The following AOPEP variants were observed in gnomAD, a reference collection of about 807,000 sequenced individuals.
AOPEP encodes aminopeptidase O.
AOPEP carries 77 observed loss-of-function variants against 98.1 expected under a neutral mutation model. The observed-to-expected ratio is 0.78, with a 90% CI of 0.65 to 0.95. AOPEP has a LOEUF of 0.95. AOPEP is among the 40% of genes least tolerant of loss of function. The pLI is 0.00. For missense variants in AOPEP, 1,024 were observed against 1,024.7 expected, an observed-to-expected ratio of 1.00 and a Z score of 0.01; for synonymous variants, 346 against 365.3, an observed-to-expected ratio of 0.95 and a Z score of 0.60.
chr9:95,079,046 T>G (rs981243223), intron 14 of AOPEP, among the ~76,000 whole-genome samples: 6 of 152,170 alleles, frequency 3.9e-5, no homozygotes, highest in African/African-American at 1.4e-4. Flanking sequence ...CCTCCTTCCC[T>G]TTTGCTCTGA....
chr9:95,095,798 A>G, the AOPEP span, among the ~76,000 whole-genome samples: 10 of 152,006 alleles, frequency 6.6e-5, no homozygotes, highest in Admixed American at 6.6e-4. Context: ...TCCTCCCTCC[A>G]AAGGACTGGA....
chr9:94,839,436 G>C (rs993259762), intron 5 of AOPEP, among the ~76,000 whole-genome samples: 1 of 152,040 alleles, frequency 6.6e-6, no homozygotes, highest in Non-Finnish European at 1.5e-5. Context: ...TGTTGGCCAG[G>C]ATGGTCTTGA....
At chr9:94,817,194 G>A (rs1851890994) in intron 5 of AOPEP, among the ~76,000 whole-genome samples, 2 of 151,968 alleles carry the variant, frequency 1.3e-5, no homozygotes, top group Admixed American at 1.3e-4. Context: ...TTGTAGAGAT[G>A]GGGTTTCGCC....
chr9:95,029,197 G>A (rs2064094137), intron 13 of AOPEP, among the ~76,000 whole-genome samples: 1 of 152,198 alleles, frequency 6.6e-6, no homozygotes, highest in Non-Finnish European at 1.5e-5. Context: ...GAAACTGGGG[G>A]TGCCAGAAGA....
chr9:94,816,120 C>T (rs1851649223), intron 5 of AOPEP, among the ~76,000 whole-genome samples: 1 of 152,116 alleles, frequency 6.6e-6, no homozygotes, highest in South Asian at 2.1e-4. Flanking sequence ...TAGTTCACAG[C>T]CTTAGTGTAC....
At chr9:94,982,364 C>T (rs1373626748) in intron 11 of AOPEP, among the ~76,000 whole-genome samples, 2 of 152,132 alleles carry the variant, frequency 1.3e-5, no homozygotes, top group Non-Finnish European at 2.9e-5. Flanking sequence ...CTCCTCGCTG[C>T]CCTCAGTCAT....
chr9:95,139,845 T>C, the AOPEP span, among the ~76,000 whole-genome samples: 1 of 146,952 alleles, frequency 6.8e-6, no homozygotes, highest in South Asian at 2.1e-4. Flanking sequence ...TATATATATA[T>C]ATATATAAAT....
chr9:95,090,876 A>G (rs1017303000), downstream of AOPEP, among the ~76,000 whole-genome samples: 1 of 152,208 alleles, frequency 6.6e-6, no homozygotes, highest in Non-Finnish European at 1.5e-5. Flanking sequence ...AAATACTGAA[A>G]TAATAGCCTC....
the AOPEP span, among the ~76,000 whole-genome samples, chr9:95,125,810 G>A: frequency 6.6e-6 from 1 of 152,158 alleles, no homozygotes; most frequent in Non-Finnish European, 1.5e-5. Context: ...TAGGTGGGAG[G>A]GGCTAGAGAG....
At chr9:95,005,742 T>G in intron 13 of AOPEP, 126 bp downstream of exon 13, 1 of 719,370 alleles carries the variant, frequency 1.4e-6, no homozygotes, top group South Asian at 1.6e-5. Flanking sequence ...AACCATAGAT[T>G]TAATATATGG....
chr9:94,914,326 C>T (rs528696760), intron 5 of AOPEP, among the ~76,000 whole-genome samples: 10 of 152,290 alleles, frequency 6.6e-5, no homozygotes, highest in East Asian at 3.9e-4. Context: ...TCTGAAAGGA[C>T]CAGCTCCGAT....
At chr9:94,878,205 A>G (rs2047186699) in intron 5 of AOPEP, among the ~76,000 whole-genome samples, 1 of 150,650 alleles carries the variant, frequency 6.6e-6, no homozygotes, top group East Asian at 1.9e-4. Context: ...GGCTTTCATA[A>G]TGGCAGAAAA....
At chr9:95,140,374 C>G in the AOPEP span, among the ~76,000 whole-genome samples, 2 of 152,168 alleles carry the variant, frequency 1.3e-5, no homozygotes, top group Admixed American at 1.3e-4. Context: ...TTTAGTGAGG[C>G]AGTTGTGTTT....
At chr9:94,847,152 A>ACACACACACACACACACACACACACACT (rs1448564968) in intron 5 of AOPEP, among the ~76,000 whole-genome samples, 14 of 140,474 alleles carry the variant, frequency 1.0e-4, no homozygotes, top group African/African-American at 2.4e-4. Flanking sequence ...ACACACACAC[A>ACACACACACACACACACACACACACACT]CTCTCTCTGT....
intron 7 of AOPEP, among the ~76,000 whole-genome samples, chr9:94,940,286 A>C (rs756681708): frequency 2.6e-5 from 4 of 152,222 alleles, no homozygotes; most frequent in Non-Finnish European, 5.9e-5. Flanking sequence ...AATCACAGGC[A>C]ATTGCTGTTT....
intron 7 of AOPEP, among the ~76,000 whole-genome samples, chr9:94,937,904 G>A (rs146061641): frequency 9.7e-4 from 147 of 151,954 alleles, no homozygotes; most frequent in African/African-American, 3.4e-3. Flanking sequence ...ATGGAATCTC[G>A]CTCTGTCACC....
chr9:95,061,724 C>G (rs1452577955), intron 14 of AOPEP, among the ~76,000 whole-genome samples: 1 of 152,068 alleles, frequency 6.6e-6, no homozygotes, highest in Non-Finnish European at 1.5e-5. Flanking sequence ...TTGAGAAAAG[C>G]CCGTTCCTTA....
At chr9:94,744,835 T>A (rs556169059) in intron 1 of AOPEP, among the ~76,000 whole-genome samples, 2 of 152,282 alleles carry the variant, frequency 1.3e-5, no homozygotes, top group East Asian at 3.9e-4. Flanking sequence ...GTGCTTTAAG[T>A]GCTCTAAACA....
the AOPEP span, among the ~76,000 whole-genome samples, chr9:95,106,673 C>A: frequency 8.5e-5 from 13 of 152,300 alleles, no homozygotes; most frequent in South Asian, 2.3e-3. Flanking sequence ...TGCACTGTTG[C>A]AGTGAATAGC....
Sources: gnomAD v4.1 joint callset for allele counts (sites outside exome capture counted in the v4.1 genomes callset) on GRCh38, gnomAD v4.1.1 for gene constraint, MANE v1.5 for transcripts, NCBI Gene and HGNC (gene_info 2026-07-23, HGNC 2026-07-21) for gene names.